Variants in NEK1 observed in about 807,000 individuals in gnomAD.
NEK1 encodes the protein serine/threonine-protein kinase Nek1.
NEK1 carries 137 observed loss-of-function variants against 182.1 expected under a neutral mutation model. That is an observed-to-expected ratio of 0.75 (90% CI 0.65 to 0.87). NEK1 has a LOEUF of 0.87. Ranked by LOEUF, NEK1 falls within the 40% of genes least tolerant of loss-of-function variation. The probability of loss-of-function intolerance (pLI) is 0.00; values close to 1 mark genes in which losing one functional copy is unlikely to be tolerated. For missense variants in NEK1, 1,391 were observed against 1,494.4 expected, an observed-to-expected ratio of 0.93 and a Z score of 1.14; for synonymous variants, 513 against 492.2, an observed-to-expected ratio of 1.04 and a Z score of -0.56.
chr4:169,468,797 T>C (rs932500630), intron 26 of NEK1, among the ~76,000 whole-genome samples: 1 of 152,152 alleles, frequency 6.6e-6, no homozygotes, highest in Non-Finnish European at 1.5e-5. Context: ...TTTCAGAACT[T>C]GTTATTGGTC....
At chr4:169,422,532 A>G (rs1474545021) in intron 31 of NEK1, among the ~76,000 whole-genome samples, 2 of 152,210 alleles carry the variant, frequency 1.3e-5, no homozygotes, top group Non-Finnish European at 2.9e-5. Context: ...CATTTGCAAA[A>G]AAGAGTTTTA....
intron 16 of NEK1, among the ~76,000 whole-genome samples, chr4:169,558,912 A>C (rs1762520178): frequency 6.6e-6 from 1 of 152,106 alleles, no homozygotes; most frequent in African/African-American, 2.4e-5. Context: ...GAATCTCCTT[A>C]ATTTGATTCA....
intron 35 of NEK1, among the ~76,000 whole-genome samples, chr4:169,398,667 CA>C (rs1037989428): frequency 6.6e-6 from 1 of 152,052 alleles, no homozygotes; most frequent in Admixed American, 6.6e-5. Context: ...CTCATTTGTC[CA>C]ATTTGTTGAC....
chr4:169,540,716 A>G (rs879312148), intron 18 of NEK1, among the ~76,000 whole-genome samples: 1 of 152,126 alleles, frequency 6.6e-6, no homozygotes, highest in Non-Finnish European at 1.5e-5. Context: ...ATATAAATGC[A>G]AATATAGTAA....
intron 19 of NEK1, among the ~76,000 whole-genome samples, chr4:169,521,521 G>T (rs2149749916): frequency 6.6e-6 from 1 of 152,202 alleles, no homozygotes; most frequent in East Asian, 1.9e-4. Flanking sequence ...CGGCCATCTT[G>T]GTTCCTCCCC....
intron 4 of NEK1, among the ~76,000 whole-genome samples, chr4:169,600,643 T>C (rs1316233619): frequency 6.6e-6 from 1 of 152,168 alleles, no homozygotes; most frequent in East Asian, 1.9e-4. Context: ...TGACTTTTTA[T>C]GATTGACCTG....
At chr4:169,446,961 A>C (rs971715740) in intron 27 of NEK1, among the ~76,000 whole-genome samples, 3 of 151,934 alleles carry the variant, frequency 2.0e-5, no homozygotes, top group African/African-American at 7.3e-5. Context: ...CAGACTCAGA[A>C]GGGCAAATCT....
intron 19 of NEK1, among the ~76,000 whole-genome samples, chr4:169,529,940 C>T (rs1459581907): frequency 6.6e-6 from 1 of 152,062 alleles, no homozygotes; most frequent in African/African-American, 2.4e-5. Context: ...GAGTACAATG[C>T]TGATGGGAAT....
At chr4:169,609,762 C>G (rs1299133829) in intron 2 of NEK1, among the ~76,000 whole-genome samples, 2 of 152,028 alleles carry the variant, frequency 1.3e-5, no homozygotes, top group Non-Finnish European at 2.9e-5. Context: ...TTGAACCATA[C>G]AAATGTATTA....
In NEK1 at chr4:169,468,176, T is replaced by G. The variant is rs182309192; in HGVS notation, c.2435-4781A>C. 3.3e-5 allele frequency among the ~76,000 whole-genome samples: 5 copies of G among 151,990 alleles called. No homozygotes were observed. The East Asian group carries it at 9.6e-4, about 29-fold the overall frequency. On this transcript the variant is annotated intron_variant, in intron 26 of 35. Transcript: ENST00000507142. Reference sequence around the variant, plus strand: ...TATGCTTTCAGCCAGAGGTGAGAGATTAGGGAAAAATAATCATTATGCTTG... The same window carrying G: ...TATGCTTTCAGCCAGAGGTGAGAGAGTAGGGAAAAATAATCATTATGCTTG...
chr4:169,603,152 T>C (rs57900656), intron 2 of NEK1, among the ~76,000 whole-genome samples: 14,728 of 152,228 alleles, frequency 0.097, 790 homozygotes, highest in East Asian at 0.17. Flanking sequence ...TTAGGATAAA[T>C]TCTGAATTCA....
At chr4:169,574,534 G>A (rs1302295931) in intron 12 of NEK1, among the ~76,000 whole-genome samples, 1 of 151,744 alleles carries the variant, frequency 6.6e-6, no homozygotes, top group Non-Finnish European at 1.5e-5. Flanking sequence ...GTGAACCCGC[G>A]AGGCGGAGCT....
intron 18 of NEK1, among the ~76,000 whole-genome samples, chr4:169,553,334 C>T (rs1471684195): frequency 6.6e-6 from 1 of 152,144 alleles, no homozygotes; most frequent in Non-Finnish European, 1.5e-5. Flanking sequence ...TAGACACAGA[C>T]CTTATATCCT....
chr4:169,436,824 A>G (rs1738502180), intron 28 of NEK1, among the ~76,000 whole-genome samples: 1 of 152,248 alleles, frequency 6.6e-6, no homozygotes, highest in Admixed American at 6.5e-5. Flanking sequence ...TCTTTGATAG[A>G]GAAAGAATTT....
intron 10 of NEK1, 62 bp from the exon 11 acceptor site, chr4:169,580,964 C>A: frequency 2.3e-6 from 2 of 857,000 alleles, no homozygotes; most frequent in South Asian, 1.7e-5. Flanking sequence ...AAAACCTACC[C>A]ATTAATTATA....
At chr4:169,541,136 G>A (rs1759341302) in intron 18 of NEK1, among the ~76,000 whole-genome samples, 1 of 152,108 alleles carries the variant, frequency 6.6e-6, no homozygotes, top group African/African-American at 2.4e-5. Flanking sequence ...GGGCAGAAGA[G>A]ATGGGGTGGT....
intron 27 of NEK1, among the ~76,000 whole-genome samples, chr4:169,459,701 A>G (rs1262555802): frequency 6.6e-6 from 1 of 152,238 alleles, no homozygotes; most frequent in Non-Finnish European, 1.5e-5. Flanking sequence ...TCTGCGCTAA[A>G]AAGTAATGAG....
chr4:169,513,161 A>C (rs555047529), intron 19 of NEK1, among the ~76,000 whole-genome samples: 2 of 152,304 alleles, frequency 1.3e-5, no homozygotes, highest in East Asian at 1.9e-4. Context: ...GAATTGCATT[A>C]TCTCTCCAAT....
intron 23 of NEK1, among the ~76,000 whole-genome samples, chr4:169,487,746 T>TTTAACC (rs1277908892): frequency 3.9e-5 from 6 of 152,206 alleles, no homozygotes; most frequent in Admixed American, 3.9e-4. Context: ...CACACTGTCT[T>TTTAACC]CCAAAATGGC....
Sources: allele counts gnomAD v4.1 joint callset (sites outside exome capture counted in the v4.1 genomes callset), GRCh38; gene constraint gnomAD v4.1.1; transcripts MANE v1.5; gene names NCBI Gene and HGNC (gene_info 2026-07-23, HGNC 2026-07-21).